The following UBE2U variants were observed in gnomAD, a reference collection of about 807,000 sequenced individuals.
UBE2U encodes the protein ubiquitin conjugating enzyme E2 U.
UBE2U carries 39 observed loss-of-function variants against 41.2 expected under a neutral mutation model. The observed-to-expected ratio is 0.95, with a 90% confidence interval of 0.73 to 1.24. The LOEUF (loss-of-function observed/expected upper bound fraction) is 1.24. Among genes scored for constraint, UBE2U ranks in the 50% most tolerant of loss-of-function variants. UBE2U has a pLI of 0.00. For synonymous variants in UBE2U, 107 were observed against 117.8 expected (o/e 0.91, Z 0.60); for missense variants, 336 against 363.1 (o/e 0.93, Z 0.61).
intron 2 of UBE2U, 31 bp downstream of exon 2, chr1:64,205,751 A>T (rs942124740): frequency 1.6e-5 from 26 of 1,578,530 alleles, no homozygotes; most frequent in African/African-American, 9.5e-5. Flanking sequence ...TCTATTTTTT[A>T]AAAAAGTCTT....
At chr1:64,222,496 T>G (rs759885588) in intron 6 of UBE2U, among the ~76,000 whole-genome samples, 1 of 152,330 alleles carries the variant, frequency 6.6e-6, no homozygotes, top group Non-Finnish European at 1.5e-5. Context: ...GAATCAGGTC[T>G]GATTTGTGGT....
At chr1:64,211,141 GT>G (rs1467216783) in intron 4 of UBE2U, among the ~76,000 whole-genome samples, 1 of 152,122 alleles carries the variant, frequency 6.6e-6, no homozygotes, top group African/African-American at 2.4e-5. Context: ...TTTTCTTTTG[GT>G]TCCTAACTTC....
At chr1:64,245,781 A>T (rs1644910439) in intron 8 of UBE2U, among the ~76,000 whole-genome samples, 1 of 151,700 alleles carries the variant, frequency 6.6e-6, no homozygotes, top group Non-Finnish European at 1.5e-5. Context: ...CTGATTCCTA[A>T]CCTCCTTTTC....
chr1:64,264,085 A>C (rs1316737203), intron 9 of UBE2U, among the ~76,000 whole-genome samples: 1 of 151,994 alleles, frequency 6.6e-6, no homozygotes, highest in Non-Finnish European at 1.5e-5. Context: ...TTAGACTCTC[A>C]CTCTTGTATT....
chr1:64,204,874 G>A (rs542825472), intron 1 of UBE2U, among the ~76,000 whole-genome samples: 1 of 152,330 alleles, frequency 6.6e-6, no homozygotes, highest in South Asian at 2.1e-4. Context: ...ATTCACTGGA[G>A]ATGTTAGGAA....
chr1:64,217,241 A>G (rs1557708446), intron 5 of UBE2U, among the ~76,000 whole-genome samples: 1 of 152,176 alleles, frequency 6.6e-6, no homozygotes, highest in Non-Finnish European at 1.5e-5. Context: ...CATTTTTCAG[A>G]GATGTTATCA....
At chr1:64,213,098 T>A (rs78062858) in intron 4 of UBE2U, among the ~76,000 whole-genome samples, 14,639 of 152,180 alleles carry the variant, frequency 0.096, 1,075 homozygotes, top group East Asian at 0.34. Context: ...CAGTTTAAAA[T>A]CTTTCAGTGG....
In UBE2U at chr1:64,233,099, C is replaced by A. The variant is rs371967154; in HGVS notation, c.595+450C>A. Among the ~76,000 whole-genome samples, 21 of 152,152 alleles carry A rather than the reference C, an allele frequency of 1.4e-4. No individual in the cohort carries two copies. In the East Asian group the frequency reaches 2.9e-3, roughly 21 times the overall value. ...CTCAGCTCACTACAAGCTCCGCCTC[C>A]CAGGTTCACGCCATTCTCCTGCCTC... On this transcript the variant is annotated intron_variant, in intron 7 of 9. Coordinates refer to ENST00000371077, the MANE Select transcript of UBE2U (RefSeq NM_001366232.2).
chr1:64,234,165 GGGGACAT>G (rs1644623389), intron 7 of UBE2U, among the ~76,000 whole-genome samples: 1 of 152,320 alleles, frequency 6.6e-6, no homozygotes, highest in East Asian at 1.9e-4. Flanking sequence ...TAACTGTGCA[GGGGACAT>G]CTCACCTATG....
chr1:64,214,975 G>A (rs571418763), intron 5 of UBE2U, 43 bp downstream of exon 5: 7 of 1,505,784 alleles, frequency 4.6e-6, no homozygotes, highest in South Asian at 3.4e-5. Context: ...GCTCACGCCT[G>A]TAATCCCAAC....
chr1:64,244,397 A>G lies in UBE2U; in HGVS notation c.677+2664A>G, dbSNP rs147253428. 4.6e-5 allele frequency: 22 copies of G among 476,046 alleles called. No individual in the cohort carries two copies. The East Asian group carries it at 2.8e-3, about 61-fold the overall frequency. 29.5% of individuals were successfully genotyped at this position (476,046 alleles called of 1,614,324 possible). On this transcript the variant is annotated intron_variant, in intron 8 of 9. Coordinates refer to ENST00000371077, the MANE Select transcript of UBE2U (RefSeq NM_001366232.2). ...AATAAAAATTAATATAGCATCACAC[A>G]TAGGCATTCAATAAATTTTAGTTCC... is the stretch of plus-strand genomic sequence containing the variant.
At chr1:64,212,834 A>G (rs1367894590) in intron 4 of UBE2U, among the ~76,000 whole-genome samples, 1 of 152,200 alleles carries the variant, frequency 6.6e-6, no homozygotes, top group Non-Finnish European at 1.5e-5. Context: ...TAGTTAGTTA[A>G]CATTATGATT....
At chr1:64,214,684 T>A (rs1247569465) in intron 4 of UBE2U, 131 bp from the exon 5 acceptor site, 1 of 660,356 alleles carries the variant, frequency 1.5e-6, no homozygotes, top group Non-Finnish European at 2.7e-6. Flanking sequence ...TGTTATTTTT[T>A]AATCTATTTC....
chr1:64,252,272 G>C (rs1180576717), intron 8 of UBE2U, among the ~76,000 whole-genome samples: 1 of 152,186 alleles, frequency 6.6e-6, no homozygotes, highest in Non-Finnish European at 1.5e-5. Context: ...GCTCCTGAGG[G>C]GAGGGGTGGC....
intron 5 of UBE2U, among the ~76,000 whole-genome samples, chr1:64,219,749 C>T (rs1210541731): frequency 6.6e-6 from 1 of 152,048 alleles, no homozygotes; most frequent in African/African-American, 2.4e-5. Context: ...GCGCCCGCCA[C>T]CACACCTGGC....
chr1:64,220,525 C>T (rs1652373576), intron 5 of UBE2U, among the ~76,000 whole-genome samples: 2 of 152,070 alleles, frequency 1.3e-5, no homozygotes. Context: ...CTGTGCTCTC[C>T]CTCTTACCCC....
intron 4 of UBE2U, among the ~76,000 whole-genome samples, chr1:64,214,446 A>G (rs536999372): frequency 1.3e-5 from 2 of 152,350 alleles, no homozygotes; most frequent in South Asian, 2.1e-4. Flanking sequence ...CTGTTATTCA[A>G]GGGAAGTGTA....
intron 6 of UBE2U, among the ~76,000 whole-genome samples, chr1:64,223,014 T>G (rs1302496895): frequency 6.6e-6 from 1 of 152,166 alleles, no homozygotes; most frequent in Admixed American, 6.5e-5. Context: ...TTTGCAGTGG[T>G]CTATAGGATA....
chr1:64,258,239 A>G (rs980710279), intron 8 of UBE2U, among the ~76,000 whole-genome samples: 20 of 152,142 alleles, frequency 1.3e-4, no homozygotes, highest in African/African-American at 4.8e-4. Context: ...GTCTGGCACA[A>G]GGTTGGTGTT....
Sources: allele counts gnomAD v4.1 joint callset (sites outside exome capture counted in the v4.1 genomes callset), GRCh38; gene constraint gnomAD v4.1.1; transcripts MANE v1.5; gene names NCBI Gene and HGNC (gene_info 2026-07-23, HGNC 2026-07-21).